DCC: variants seen among roughly 807,000 people sequenced by gnomAD.
The protein encoded by DCC is netrin receptor DCC.
Under a neutral mutation model 172.5 loss-of-function variants are expected in DCC, and 58 were observed. The ratio of observed to expected loss-of-function variants is 0.34; its 90% CI spans 0.27 to 0.42. The LOEUF (loss-of-function observed/expected upper bound fraction) is 0.42. Ranked by LOEUF, DCC falls within the 10% of genes least tolerant of loss-of-function variation. DCC has a pLI of 1.00. For synonymous variants in DCC, 709 were observed against 644.5 expected (o/e 1.10, Z -1.52); for missense variants, 1,740 against 1,791.0 (o/e 0.97, Z 0.51).
chr18:52,731,711 A>G (rs144280140), intron 1 of DCC, among the ~76,000 whole-genome samples: 1 of 151,906 alleles, frequency 6.6e-6, no homozygotes, highest in African/African-American at 2.4e-5. Flanking sequence ...CCACAGATCT[A>G]CCACAATTAT....
At chr18:53,471,370 C>G (rs2045694799) in intron 25 of DCC, among the ~76,000 whole-genome samples, 1 of 152,152 alleles carries the variant, frequency 6.6e-6, no homozygotes, top group Admixed American at 6.6e-5. Flanking sequence ...TACAGTCACC[C>G]TGTTGTGCTA....
At chr18:53,146,375 C>T (rs952800153) in intron 7 of DCC, among the ~76,000 whole-genome samples, 1 of 152,196 alleles carries the variant, frequency 6.6e-6, no homozygotes, top group African/African-American at 2.4e-5. Flanking sequence ...TGGGATGGCA[C>T]CTTGTGGCTG....
At chr18:52,893,181 C>A (rs930980457) in intron 2 of DCC, among the ~76,000 whole-genome samples, 2 of 151,830 alleles carry the variant, frequency 1.3e-5, no homozygotes, top group Non-Finnish European at 2.9e-5. Flanking sequence ...TTTTGTCTCT[C>A]TCTAAAGATT....
chr18:53,206,592 GTATATAATACATATCTATGTATAA>G (rs1241250340), intron 10 of DCC, among the ~76,000 whole-genome samples: 1 of 65,790 alleles, frequency 1.5e-5, no homozygotes. Flanking sequence ...ACATCTATAT[GTATATAATACATATCTATGTATAA>G]TATATAATAC....
At chr18:53,173,708 A>C (rs1006317783) in intron 8 of DCC, among the ~76,000 whole-genome samples, 1 of 150,808 alleles carries the variant, frequency 6.6e-6, no homozygotes, top group African/African-American at 2.4e-5. Context: ...AAACAGACTT[A>C]GACTCCCACA....
chr18:53,005,553 C>A (rs151119140), intron 5 of DCC, among the ~76,000 whole-genome samples: 1 of 151,996 alleles, frequency 6.6e-6, no homozygotes, highest in Non-Finnish European at 1.5e-5. Context: ...GCCAACATGA[C>A]GAAACCCCAT....
intron 1 of DCC, among the ~76,000 whole-genome samples, chr18:52,342,157 G>A (rs1983668368): frequency 6.6e-6 from 1 of 152,170 alleles, no homozygotes; most frequent in Admixed American, 6.5e-5. Flanking sequence ...AAGGCAGCCC[G>A]AGGCTCCCCA....
At chr18:53,016,654 T>C (rs1044227590) in intron 5 of DCC, among the ~76,000 whole-genome samples, 28 of 152,104 alleles carry the variant, frequency 1.8e-4, no homozygotes, top group African/African-American at 6.8e-4. Flanking sequence ...TTTATTTAAT[T>C]TTATAATGGG....
intron 12 of DCC, among the ~76,000 whole-genome samples, chr18:53,280,169 A>G (rs1427453011): frequency 6.6e-6 from 1 of 152,210 alleles, no homozygotes; most frequent in Non-Finnish European, 1.5e-5. Context: ...TGCTTGTTAA[A>G]TGAATACATG....
intron 12 of DCC, among the ~76,000 whole-genome samples, chr18:53,302,080 A>C (rs942958976): frequency 6.6e-6 from 1 of 152,164 alleles, no homozygotes; most frequent in African/African-American, 2.4e-5. Context: ...TTCTCTGTGC[A>C]TATCTGTGTC....
chr18:52,448,819 T>G (rs528460660), intron 1 of DCC, among the ~76,000 whole-genome samples: 3 of 152,238 alleles, frequency 2.0e-5, no homozygotes, highest in Non-Finnish European at 4.4e-5. Context: ...TTCACCCTAG[T>G]TGTCCCTAAT....
chr18:52,344,359 C>A (rs1000283547), intron 1 of DCC, among the ~76,000 whole-genome samples: 5 of 151,918 alleles, frequency 3.3e-5, no homozygotes, highest in Non-Finnish European at 7.4e-5. Context: ...GGTGGGGAGG[C>A]GGGGATATTT....
At chr18:52,699,158 G>A (rs564135825) in intron 1 of DCC, among the ~76,000 whole-genome samples, 11 of 152,260 alleles carry the variant, frequency 7.2e-5, no homozygotes, top group Non-Finnish European at 1.3e-4. Flanking sequence ...CAAATATATA[G>A]GATCAGAAAG....
chr18:52,581,071 G>A (rs1279074369), intron 1 of DCC, among the ~76,000 whole-genome samples: 5 of 151,982 alleles, frequency 3.3e-5, no homozygotes, highest in Admixed American at 2.0e-4. Context: ...GGCTCATTTA[G>A]CAATTTAGCC....
intron 15 of DCC, among the ~76,000 whole-genome samples, chr18:53,358,682 G>A (rs1172798727): frequency 6.6e-6 from 1 of 151,520 alleles, no homozygotes; most frequent in African/African-American, 2.4e-5. Flanking sequence ...CACCACACCA[G>A]GCTAAATTTT....
chr18:52,949,082 C>T (rs1017229033), intron 5 of DCC, among the ~76,000 whole-genome samples: 2 of 152,190 alleles, frequency 1.3e-5, no homozygotes, highest in African/African-American at 4.8e-5. Flanking sequence ...TTGCCAAGTC[C>T]TGTTTCTTTA....
At position 53,087,087 on chromosome 18, in the gene DCC, C is replaced by A. The variant is rs547534125; in HGVS notation, c.1261+20921C>A. Among the ~76,000 whole-genome samples the A allele has an allele frequency of 9.9e-5, 15 of 152,008 alleles. No individual in the cohort carries two copies. The South Asian group carries it at 2.7e-3, about 27-fold the overall frequency. ...ACGTGTGCATGTGTCTTTATAGCAG[C>A]ATGATTTATAGTCCTTTGGGTATAT... On this transcript the variant is annotated intron_variant, in intron 7 of 28. Transcript: ENST00000442544.
At chr18:52,465,227 T>A (rs1273452076) in intron 1 of DCC, among the ~76,000 whole-genome samples, 1 of 152,134 alleles carries the variant, frequency 6.6e-6, no homozygotes, top group African/African-American at 2.4e-5. Flanking sequence ...TAGAAATTGC[T>A]AAATATTTAG....
chr18:53,264,183 A>T (rs1033899547), intron 12 of DCC, among the ~76,000 whole-genome samples: 2 of 152,088 alleles, frequency 1.3e-5, no homozygotes, highest in Admixed American at 6.6e-5. Flanking sequence ...GAATTTTGGG[A>T]AGCAGTATTT....
Sources: allele counts gnomAD v4.1 joint callset (sites outside exome capture counted in the v4.1 genomes callset), GRCh38; gene constraint gnomAD v4.1.1; transcripts MANE v1.5; gene names NCBI Gene and HGNC (gene_info 2026-07-23, HGNC 2026-07-21).